Variants in ARVCF observed in about 807,000 individuals in gnomAD.
ARVCF encodes splicing regulator ARVCF.
Under a neutral mutation model 90.9 loss-of-function variants are expected in ARVCF, and 66 were observed. That is an observed-to-expected ratio of 0.73 (90% confidence interval 0.60 to 0.89). The LOEUF is 0.89. ARVCF is among the 40% of genes least tolerant of loss of function. The pLI, the probability that ARVCF is intolerant of heterozygous loss-of-function variation, is 0.00. For synonymous variants in ARVCF, 653 were observed against 603.4 expected (o/e 1.08, Z -1.21); for missense variants, 1,469 against 1,382.3 (o/e 1.06, Z -1.00).
chr22:19,993,476 G>A (rs1185197921), intron 2 of ARVCF, among the ~76,000 whole-genome samples: 1 of 152,236 alleles, frequency 6.6e-6, no homozygotes, highest in Non-Finnish European at 1.5e-5. Context: ...ATTTGCTTTT[G>A]CTAGAGCCCA....
chr22:19,986,150 T>C (rs892801826), intron 3 of ARVCF, among the ~76,000 whole-genome samples: 21 of 152,214 alleles, frequency 1.4e-4, no homozygotes, highest in African/African-American at 4.6e-4. Flanking sequence ...CTGACTGTCA[T>C]CCACCTCAGC....
intron 5 of ARVCF, 176 bp from the exon 6 acceptor site, chr22:19,980,418 T>C: frequency 2.0e-6 from 2 of 990,626 alleles, no homozygotes; most frequent in Non-Finnish European, 2.7e-6. Flanking sequence ...ACCAGCCCAG[T>C]GAGAACCAAT....
At chr22:19,981,838 GC>G in intron 4 of ARVCF, 94 bp downstream of exon 4, 1 of 1,553,260 alleles carries the variant, frequency 6.4e-7, no homozygotes. Flanking sequence ...GCAATGAGAG[GC>G]CCCACGTGGC....
chr22:19,985,173 C>A, intron 3 of ARVCF, among the ~76,000 whole-genome samples: 1 of 152,202 alleles, frequency 6.6e-6, no homozygotes, highest in East Asian at 1.9e-4. Context: ...CACCTCCAGC[C>A]CAATCCCACA....
chr22:19,995,961 CA>C (rs1436421721), intron 2 of ARVCF, among the ~76,000 whole-genome samples: 1 of 152,222 alleles, frequency 6.6e-6, no homozygotes, highest in Non-Finnish European at 1.5e-5. Context: ...GCTGCCAGCA[CA>C]GAGACTTCCT....
At chr22:19,968,817 C>T (rs1011662017), downstream of ARVCF, 23 of 1,360,436 alleles carry the variant, frequency 1.7e-5, no homozygotes, top group Admixed American at 5.7e-5. Context: ...TGACCTTCTG[C>T]GGCTCCGGGC....
At chr22:19,977,273 C>A in intron 9 of ARVCF, 142 bp downstream of exon 9, 1 of 1,184,736 alleles carries the variant, frequency 8.4e-7, no homozygotes. Flanking sequence ...GCCTCCTTGA[C>A]TCCTGGCTTC....
chr22:19,983,644 T>A (rs1423436612), intron 3 of ARVCF: 1 of 152,316 alleles, frequency 6.6e-6, no homozygotes, highest in Non-Finnish European at 1.5e-5. Flanking sequence ...ATGGGGAAAC[T>A]GAGGCCTGGC....
rs767440201 is a variant in ARVCF, at chr22:19,973,755, G to A, written c.2127C>T (p.Arg709=). Residue 709 remains arginine, a synonymous_variant, in exon 13 of 20, where the codon CGC becomes CGT. Coordinates refer to ENST00000263207, the MANE Select transcript of ARVCF (RefSeq NM_001670.3). ...GCAGTTCCACAAGCACCGGCAGCCC[G>A]CGCTCTTTGCGCACTGTGGCGCGGA... ...TYIRATVRKE[R]GLPVLVELLQ... 1.2e-5 allele frequency: 19 copies of A among 1,607,720 alleles called. No homozygotes were observed. The highest frequency in any genetic ancestry group is 1.4e-5 in the Non-Finnish European group (16 of 1,179,916).
intron 2 of ARVCF, among the ~76,000 whole-genome samples, chr22:19,997,592 G>A (rs2146421873): frequency 6.6e-6 from 1 of 152,324 alleles, no homozygotes; most frequent in Non-Finnish European, 1.5e-5. Context: ...TGGTCCTGCA[G>A]ACTCCAAGCC....
intron 2 of ARVCF, among the ~76,000 whole-genome samples, chr22:20,005,009 A>T (rs1944570597): frequency 6.6e-6 from 1 of 152,242 alleles, no homozygotes; most frequent in Non-Finnish European, 1.5e-5. Flanking sequence ...GATACCAAAA[A>T]CACAGGCAAC....
At chr22:19,987,486 T>C (rs2146362146) in intron 3 of ARVCF, among the ~76,000 whole-genome samples, 1 of 151,926 alleles carries the variant, frequency 6.6e-6, no homozygotes, top group East Asian at 1.9e-4. Context: ...GCCAAGTCCT[T>C]CCCAGGCCTC....
At chr22:20,016,341 CAA>C (rs923441509) in intron 1 of ARVCF, among the ~76,000 whole-genome samples, 7 of 152,120 alleles carry the variant, frequency 4.6e-5, no homozygotes, top group African/African-American at 1.7e-4. Context: ...AGGCCACGCA[CAA>C]AGAGACCCGC....
chr22:19,992,712 C>T (rs1398815974), intron 2 of ARVCF, among the ~76,000 whole-genome samples: 1 of 152,194 alleles, frequency 6.6e-6, no homozygotes, highest in East Asian at 1.9e-4. Context: ...AGCCACTGGC[C>T]TCATGGACCT....
At chr22:20,009,290 C>G (rs984758761) in intron 2 of ARVCF, among the ~76,000 whole-genome samples, 2 of 152,238 alleles carry the variant, frequency 1.3e-5, no homozygotes, top group Non-Finnish European at 2.9e-5. Context: ...GCAGCAGACC[C>G]AGCTCCCACT....
At chr22:20,009,953 C>T (rs1172937099) in intron 2 of ARVCF, among the ~76,000 whole-genome samples, 1 of 152,216 alleles carries the variant, frequency 6.6e-6, no homozygotes, top group Non-Finnish European at 1.5e-5. Flanking sequence ...ACCATAAGGC[C>T]TGCAAAATTG....
In ARVCF at chr22:20,001,157, T is replaced by A. The variant is rs145224253; in HGVS notation, c.-19+9298A>T. On this transcript the variant is annotated intron_variant, in intron 2 of 19. Transcript: ENST00000263207. ...AGATCAGCATGCTAGGCAGACTCCATTCCTGTCTTGGACACCGGGCAAGGC... is the reference window on the plus strand; with the variant it reads ...AGATCAGCATGCTAGGCAGACTCCAATCCTGTCTTGGACACCGGGCAAGGC... Among the ~76,000 whole-genome samples the A allele has an allele frequency of 1.8e-3, 280 of 152,164 alleles. 1 individual carries two copies. Among genetic ancestry groups the A allele is most frequent in the African/African-American group, 6.6e-3 (272 of 41,522 alleles).
chr22:19,986,784 C>T (rs1057219044), intron 3 of ARVCF: 1 of 378,048 alleles, frequency 2.6e-6, no homozygotes. Context: ...CGGTCCGGGC[C>T]GGTGCCAAGA....
At position 19,973,722 on chromosome 22, in the gene ARVCF, A is replaced by G; in HGVS notation, c.2160T>C (p.Ser720=). The G allele has an allele frequency of 6.2e-7, 1 of 1,609,756 alleles. No homozygotes were observed. Among genetic ancestry groups the G allele is most frequent in the Non-Finnish European group, 8.5e-7 (1 of 1,179,928 alleles). Residue 720 remains serine (S), a synonymous_variant, in exon 13 of 20, where the codon TCT becomes TCC. Transcript: ENST00000263207. ...CGGCGCGCACCACCTTGTCGGTCTC[A>G]GACTGCAGCAGTTCCACAAGCACCG... ...GLPVLVELLQ[S]ETDKVVRAVA... is the part of the protein sequence containing the mutation.
Sources: gnomAD v4.1 joint callset for allele counts (sites outside exome capture counted in the v4.1 genomes callset) on GRCh38, gnomAD v4.1.1 for gene constraint, MANE v1.5 for transcripts, NCBI Gene and HGNC (gene_info 2026-07-23, HGNC 2026-07-21) for gene names.